Variants in MROH2B observed in about 807,000 individuals in gnomAD.
MROH2B encodes maestro heat-like repeat-containing protein family member 2B.
In MROH2B, 177 loss-of-function variants were observed where a neutral mutation model predicts 208.6. The ratio of observed to expected loss-of-function variants is 0.85; its 90% CI spans 0.75 to 0.96. MROH2B has a LOEUF of 0.96. Ranked by LOEUF, MROH2B falls within the 40% of genes least tolerant of loss-of-function variation. The pLI, the probability that MROH2B is intolerant of heterozygous loss-of-function variation, is 0.00. For synonymous variants in MROH2B, 728 were observed against 659.0 expected (o/e 1.10, Z -1.60); for missense variants, 2,002 against 1,878.7 (o/e 1.07, Z -1.21).
In MROH2B at chr5:41,070,848, G is replaced by A; in HGVS notation, c.5C>T (p.Thr2Ile). The A allele has an allele frequency of 6.2e-7, 1 of 1,611,104 alleles. No homozygotes were observed. Among genetic ancestry groups the A allele is most frequent in the Non-Finnish European group, 8.5e-7 (1 of 1,178,528 alleles). The part of the protein sequence containing the change: M[T>I]LSTEESIEMF... ...ACCTATGGATTCCTCTGTACTAAGT[G>A]TCATGTCTTGGCTGTTTCAGGGTCT... Residue 2 changes from threonine (T) to isoleucine (I), a missense_variant, in exon 1 of 42, where the codon ACA becomes ATA. By Grantham distance (89) the Thr-to-Ile change is moderately conservative. Coordinates refer to ENST00000399564, the MANE Select transcript of MROH2B (RefSeq NM_173489.5).
At chr5:41,065,709 T>C (rs1028572440) in intron 3 of MROH2B, among the ~76,000 whole-genome samples, 3 of 152,124 alleles carry the variant, frequency 2.0e-5, no homozygotes, top group African/African-American at 7.2e-5. Flanking sequence ...TTCTGTTCTT[T>C]TGGAGTCTGC....
In MROH2B at chr5:41,032,690, G is replaced by A. The variant is rs560568624; in HGVS notation, c.2441+52C>T. The A allele has an allele frequency of 9.1e-6, 13 of 1,432,158 alleles. No individual in the cohort carries two copies. The African/African-American group carries it at 1.4e-4, about 15-fold the overall frequency. The allele number at this position is 1,432,158 out of a possible 1,614,324, so 88.7% of individuals were successfully genotyped here. On this transcript the variant is annotated intron_variant, in intron 24 of 41. Coordinates refer to ENST00000399564, the MANE Select transcript of MROH2B (RefSeq NM_173489.5). Reference sequence around the variant, plus strand: ...CTAACAGATGTTAGTTGATCAGGAGGAGGATAAGGGGGAAAATACTTTTTC... The same window carrying A: ...CTAACAGATGTTAGTTGATCAGGAGAAGGATAAGGGGGAAAATACTTTTTC...
intron 5 of MROH2B, among the ~76,000 whole-genome samples, chr5:41,063,636 G>A (rs1288136602): frequency 6.6e-6 from 1 of 152,140 alleles, no homozygotes; most frequent in Non-Finnish European, 1.5e-5. Flanking sequence ...CTGACAGCGT[G>A]GGCTTTTAAA....
At chr5:41,009,441 C>A in intron 31 of MROH2B, 35 bp from the exon 32 acceptor site, 1 of 1,608,506 alleles carries the variant, frequency 6.2e-7, no homozygotes, top group Non-Finnish European at 8.5e-7. Context: ...GTAGATAAGG[C>A]ACAACCCCTC....
chr5:41,004,761 A>ATTT lies in MROH2B; in HGVS notation c.4011+12_4011+13insAAA. ...TACTTAAATGAACCATTTCCCCTTA[A>ATTT]AACGCCTTTTACCTTGTGAGGAGCC... On this transcript the variant is annotated intron_variant, in intron 36 of 41. Transcript: ENST00000399564. 1 of 1,607,998 alleles carries ATTT rather than the reference A, an allele frequency of 6.2e-7. No homozygotes were observed. The highest frequency in any genetic ancestry group is 8.5e-7 in the Non-Finnish European group (1 of 1,178,190).
intron 1 of MROH2B, among the ~76,000 whole-genome samples, chr5:41,070,453 A>C (rs560359982): frequency 6.6e-6 from 1 of 152,210 alleles, no homozygotes; most frequent in South Asian, 2.1e-4. Flanking sequence ...CAAACAACAT[A>C]CTCATTTAGG....
chr5:41,005,473 T>A, intron 35 of MROH2B, 58 bp downstream of exon 35: 1 of 907,068 alleles, frequency 1.1e-6, no homozygotes, highest in Non-Finnish European at 1.6e-6. Flanking sequence ...CTCCAGACCA[T>A]AAGAGAAATA....
chr5:41,053,211 G>C (rs1579952104), intron 11 of MROH2B, among the ~76,000 whole-genome samples: 1 of 152,126 alleles, frequency 6.6e-6, no homozygotes, highest in East Asian at 1.9e-4. Context: ...CTGGATTTTT[G>C]TTTCTTAAAT....
intron 12 of MROH2B, chr5:41,051,660 A>T (rs977404554): frequency 3.9e-5 from 6 of 152,236 alleles, no homozygotes; most frequent in African/African-American, 1.4e-4. Flanking sequence ...CATGAAGGAG[A>T]CCCTGGAGAG....
intron 24 of MROH2B, among the ~76,000 whole-genome samples, chr5:41,032,512 T>C (rs190531885): frequency 6.6e-6 from 1 of 152,170 alleles, no homozygotes; most frequent in East Asian, 1.9e-4. Context: ...TTAATACATA[T>C]AATTCCTCTG....
chr5:41,052,272 G>A (rs1446518730), intron 12 of MROH2B, among the ~76,000 whole-genome samples, 193 bp downstream of exon 12: 2 of 71,010 alleles, frequency 2.8e-5, no homozygotes, highest in Non-Finnish European at 8.0e-5. Context: ...AAAGTGATAA[G>A]ATTAAAATAT....
In MROH2B at chr5:41,015,521, T is replaced by G. The variant is rs758543570; in HGVS notation, c.2885-43A>C. 5.8e-6 allele frequency: 9 copies of G among 1,564,296 alleles called. No homozygotes were observed. The African/African-American group carries it at 1.1e-4, about 19-fold the overall frequency. On this transcript the variant is annotated intron_variant, in intron 28 of 41. Transcript: ENST00000399564. ...AGAAATGTTTAAGTGTTCAAAGACCTGATAGGGGTTGAAGAGGCTGGCTAT... is the reference window on the plus strand; with the variant it reads ...AGAAATGTTTAAGTGTTCAAAGACCGGATAGGGGTTGAAGAGGCTGGCTAT...
chr5:41,015,795 G>A (rs999861876), intron 28 of MROH2B, among the ~76,000 whole-genome samples: 1 of 152,186 alleles, frequency 6.6e-6, no homozygotes, highest in Non-Finnish European at 1.5e-5. Flanking sequence ...AGGAGAGTCT[G>A]AATTTCAACC....
At chr5:41,025,986 G>T (rs1362413988) in intron 24 of MROH2B, among the ~76,000 whole-genome samples, 4 of 152,044 alleles carry the variant, frequency 2.6e-5, no homozygotes, top group African/African-American at 7.2e-5. Context: ...AAATTCAACA[G>T]CCCCTCATGC....
chr5:41,014,324 A>G (rs192748163), intron 29 of MROH2B, among the ~76,000 whole-genome samples: 148 of 152,264 alleles, frequency 9.7e-4, no homozygotes, highest in African/African-American at 3.5e-3. Flanking sequence ...TTTTGATTTC[A>G]AATAGAGCAA....
At chr5:40,999,276 A>G (rs1302810104) in intron 40 of MROH2B, among the ~76,000 whole-genome samples, 1 of 152,208 alleles carries the variant, frequency 6.6e-6, no homozygotes, top group Admixed American at 6.5e-5. Context: ...TCCCACTTGT[A>G]TCATGTTGCC....
At chr5:41,059,078 C>T (rs1326850572) in intron 6 of MROH2B, among the ~76,000 whole-genome samples, 2 of 151,288 alleles carry the variant, frequency 1.3e-5, no homozygotes, top group African/African-American at 2.4e-5. Flanking sequence ...GAATCTTCAC[C>T]GATTCCACCT....
chr5:41,070,941 T>G lies in MROH2B; in HGVS notation c.-89A>C. ...AATCAAAGAGGCAGGTTGGCAAGTTTCTCATATAAGGTTCACATAAGCCTC... is the reference window on the plus strand; with the variant it reads ...AATCAAAGAGGCAGGTTGGCAAGTTGCTCATATAAGGTTCACATAAGCCTC... On this transcript the variant is annotated 5_prime_UTR_variant, in exon 1 of 42. Coordinates refer to ENST00000399564, the MANE Select transcript of MROH2B (RefSeq NM_173489.5). 1 of 1,356,254 alleles carries G rather than the reference T, an allele frequency of 7.4e-7. No homozygotes were observed. The highest frequency in any genetic ancestry group is 1.0e-6 in the Non-Finnish European group (1 of 966,848). The allele number at this position is 1,356,254 out of a possible 1,614,324, so 84.0% of individuals were successfully genotyped here. A position where few individuals can be genotyped will look rare whatever the true frequency, so the allele number is the denominator to read the frequency against.
intron 19 of MROH2B, 143 bp downstream of exon 19, chr5:41,041,949 A>T (rs1742967197): frequency 2.3e-6 from 1 of 437,922 alleles, no homozygotes; most frequent in Non-Finnish European, 4.1e-6. Context: ...CTTTTCCGAA[A>T]AATTCTGTTA....
Sources: allele counts gnomAD v4.1 joint callset (sites outside exome capture counted in the v4.1 genomes callset), GRCh38; gene constraint gnomAD v4.1.1; transcripts MANE v1.5; gene names NCBI Gene and HGNC (gene_info 2026-07-23, HGNC 2026-07-21).